RNF111: variants seen among roughly 807,000 people sequenced by gnomAD.
RNF111 encodes E3 ubiquitin-protein ligase Arkadia.
RNF111 carries 17 observed loss-of-function variants against 95.1 expected under a neutral mutation model. The ratio of observed to expected loss-of-function variants is 0.18; its 90% CI spans 0.12 to 0.27. RNF111 has a LOEUF of 0.27. Among genes scored for constraint, RNF111 ranks in the 10% least tolerant of loss-of-function variants. The pLI is 1.00. For missense variants in RNF111, 1,189 were observed against 1,210.4 expected, an observed-to-expected ratio of 0.98 and a Z score of 0.26; for synonymous variants, 440 against 414.8, an observed-to-expected ratio of 1.06 and a Z score of -0.74.
intron 7 of RNF111, among the ~76,000 whole-genome samples, chr15:59,077,484 CAT>C (rs1252987872): frequency 6.6e-6 from 1 of 152,304 alleles, no homozygotes; most frequent in Admixed American, 6.5e-5. Flanking sequence ...TCTTTGTACA[CAT>C]AGATAGGTAT....
chr15:58,988,024 G>A lies in RNF111; in HGVS notation c.-64G>A, dbSNP rs1245760416. The A allele has an allele frequency of 6.6e-6, 1 of 151,662 alleles. No individual in the cohort carries two copies. Among genetic ancestry groups the A allele is most frequent in the East Asian group, 2.0e-4 (1 of 5,124 alleles). The allele number at this position is 151,662 out of a possible 1,614,324, so 9.4% of individuals were successfully genotyped here. A position where few individuals can be genotyped will look rare whatever the true frequency, so the allele number is the denominator to read the frequency against. On this transcript the variant is annotated 5_prime_UTR_variant, in exon 1 of 14. The change creates a new upstream start codon in the 5' untranslated region. Coordinates refer to ENST00000348370, the MANE Select transcript of RNF111 (RefSeq NM_017610.8). The stretch of plus-strand genomic sequence containing the variant: ...CATTTCTGTCTTCCTTCCTGGGTCA[G>A]TGATTCCCGGACCCTGGAAGAGAAG...
At chr15:58,995,306 C>T (rs2039013255) in intron 1 of RNF111, among the ~76,000 whole-genome samples, 2 of 152,274 alleles carry the variant, frequency 1.3e-5, no homozygotes, top group Middle Eastern at 6.8e-3. Context: ...AAGGAAGAGA[C>T]ATTCTTTTAT....
In RNF111 at chr15:59,091,043, T is replaced by C. The variant is rs1336578870; in HGVS notation, c.2644-16T>C. ...TCATCTTGGCTTTTACCAGTCATTA[T>C]ATTCTTCACTTTCAGGAACTGATTC... is the stretch of plus-strand genomic sequence containing the variant. On this transcript the variant is annotated splice_polypyrimidine_tract_variant and intron_variant, in intron 11 of 13. Transcript: ENST00000348370. The C allele has an allele frequency of 1.3e-5, 19 of 1,515,570 alleles. No individual in the cohort carries two copies. The highest frequency in any genetic ancestry group is 1.7e-5 in the Admixed American group (1 of 59,086). 93.9% of individuals were successfully genotyped at this position (1,515,570 alleles called of 1,614,324 possible). A position where few individuals can be genotyped will look rare whatever the true frequency, so the allele number is the denominator to read the frequency against.
chr15:59,075,286 C>CTAAATGTGCCTATAAAATGCAA (rs2043118444), intron 6 of RNF111, among the ~76,000 whole-genome samples: 1 of 152,146 alleles, frequency 6.6e-6, no homozygotes, highest in South Asian at 2.1e-4. Context: ...CTGCAAAGCA[C>CTAAATGTGCCTATAAAATGCAA]TAAATGTGCC....
At chr15:59,034,516 A>T (rs901410442) in intron 2 of RNF111, among the ~76,000 whole-genome samples, 6 of 152,186 alleles carry the variant, frequency 3.9e-5, no homozygotes, top group Admixed American at 1.3e-4. Flanking sequence ...CTCTTATGAG[A>T]TGGATTCTGT....
intron 2 of RNF111, among the ~76,000 whole-genome samples, chr15:59,044,129 C>T (rs1009791332): frequency 6.6e-6 from 1 of 152,180 alleles, no homozygotes; most frequent in Non-Finnish European, 1.5e-5. Context: ...CTCCCGGGTT[C>T]AAGCGATTCT....
intron 2 of RNF111, among the ~76,000 whole-genome samples, chr15:59,039,216 G>C (rs1466170490): frequency 6.6e-6 from 1 of 152,012 alleles, no homozygotes; most frequent in East Asian, 1.9e-4. Flanking sequence ...TGCCCGCCTT[G>C]GCCTCCCAAA....
chr15:59,015,969 G>GCCTCCCA (rs2040045922), intron 1 of RNF111, among the ~76,000 whole-genome samples: 2 of 150,958 alleles, frequency 1.3e-5, no homozygotes, highest in Admixed American at 6.6e-5. Context: ...TCCCACCTCA[G>GCCTCCCA]CCTCCTGAGT....
intron 2 of RNF111, among the ~76,000 whole-genome samples, chr15:59,043,344 C>T (rs1258111998): frequency 1.3e-5 from 2 of 152,064 alleles, no homozygotes; most frequent in South Asian, 2.1e-4. Context: ...TTGGTAGAGA[C>T]GGGGTTTTCA....
At chr15:59,039,562 T>C (rs1383656944) in intron 2 of RNF111, among the ~76,000 whole-genome samples, 2 of 152,204 alleles carry the variant, frequency 1.3e-5, no homozygotes, top group African/African-American at 4.8e-5. Context: ...GATTTCATCT[T>C]TGGCCATTGG....
At chr15:59,035,099 A>G (rs550363851) in intron 2 of RNF111, among the ~76,000 whole-genome samples, 2 of 152,160 alleles carry the variant, frequency 1.3e-5, no homozygotes, top group East Asian at 3.9e-4. Context: ...GTGCAGGGGA[A>G]CTCCCATTTA....
chr15:59,033,245 TTCTTC>T (rs1308065688), intron 2 of RNF111, among the ~76,000 whole-genome samples: 1 of 152,182 alleles, frequency 6.6e-6, no homozygotes, highest in Non-Finnish European at 1.5e-5. Flanking sequence ...GTGCCATTTC[TTCTTC>T]TCTTCTTCTT....
rs541113097 is a variant in RNF111 at position 58,998,666 on chromosome 15, G to A, written c.-20+10598G>A. ...TTCTCAAAAATAAATGAAGTGAGCCGTTCACTTCAAGAAAAACAAATGACA... is the reference window on the plus strand; with the variant it reads ...TTCTCAAAAATAAATGAAGTGAGCCATTCACTTCAAGAAAAACAAATGACA... On this transcript the variant is annotated intron_variant, in intron 1 of 13. Coordinates refer to ENST00000348370, the MANE Select transcript of RNF111 (RefSeq NM_017610.8). 1.1e-4 allele frequency among the ~76,000 whole-genome samples: 17 copies of A among 152,256 alleles called. 1 individual carries two copies. The South Asian group carries it at 2.9e-3, about 26-fold the overall frequency.
chr15:59,019,105 A>ATTTTTTTTTTTTTTTTTT (rs35154303), intron 1 of RNF111, among the ~76,000 whole-genome samples: 6 of 121,286 alleles, frequency 4.9e-5, no homozygotes, highest in African/African-American at 1.6e-4. Context: ...GTATTTTTGT[A>ATTTTTTTTTTTTTTTTTT]TTTTTTTTTT....
intron 1 of RNF111, among the ~76,000 whole-genome samples, chr15:59,020,780 C>T (rs528861440): frequency 6.6e-6 from 1 of 152,126 alleles, no homozygotes; most frequent in East Asian, 1.9e-4. Context: ...AAACTCCAGT[C>T]CTCCATAATA....
chr15:59,023,267 G>A (rs1210328338), intron 1 of RNF111, among the ~76,000 whole-genome samples: 2 of 152,076 alleles, frequency 1.3e-5, no homozygotes, highest in East Asian at 3.9e-4. Context: ...AAGAAAGTGA[G>A]GAAGTAGCAT....
intron 6 of RNF111, among the ~76,000 whole-genome samples, chr15:59,073,560 G>A (rs1175787596): frequency 6.6e-6 from 1 of 151,614 alleles, no homozygotes; most frequent in Non-Finnish European, 1.5e-5. Flanking sequence ...CAGGATTTAC[G>A]GCAATTCAAT....
intron 1 of RNF111, among the ~76,000 whole-genome samples, chr15:59,010,559 A>G (rs779348889): frequency 6.6e-6 from 1 of 151,828 alleles, no homozygotes; most frequent in African/African-American, 2.4e-5. Context: ...CCACCACCAC[A>G]CCTAACTAAT....
At chr15:59,039,002 T>C (rs185583969) in intron 2 of RNF111, among the ~76,000 whole-genome samples, 1 of 152,344 alleles carries the variant, frequency 6.6e-6, no homozygotes, top group East Asian at 1.9e-4. Flanking sequence ...TTCACTTTTG[T>C]TGCCCAGGCT....
Sources: gnomAD v4.1 joint callset for allele counts (sites outside exome capture counted in the v4.1 genomes callset) on GRCh38, gnomAD v4.1.1 for gene constraint, MANE v1.5 for transcripts, NCBI Gene and HGNC (gene_info 2026-07-23, HGNC 2026-07-21) for gene names.